Variants in FKBP5 observed in about 807,000 individuals in gnomAD.
FKBP5 encodes the protein FKBP prolyl isomerase 5, also known as peptidyl-prolyl cis-trans isomerase FKBP5.
A neutral mutation model predicts 50.5 loss-of-function variants in FKBP5; 23 were observed. That is an observed-to-expected ratio of 0.46 (90% CI 0.33 to 0.65). FKBP5 has a LOEUF of 0.65. Ranked by LOEUF, FKBP5 falls within the 30% of genes least tolerant of loss-of-function variation. The pLI is 0.02. For synonymous variants in FKBP5, 176 were observed against 190.6 expected (o/e 0.92, Z 0.63); for missense variants, 411 against 553.1 (o/e 0.74, Z 2.58).
chr6:35,669,513 C>T (rs934377074), intron 1 of FKBP5, among the ~76,000 whole-genome samples: 2 of 152,132 alleles, frequency 1.3e-5, no homozygotes, highest in African/African-American at 4.8e-5. Context: ...ATGTTTTCCA[C>T]AGTCTAAATA....
chr6:35,671,729 TC>T (rs1356648609), intron 1 of FKBP5, among the ~76,000 whole-genome samples: 1 of 152,132 alleles, frequency 6.6e-6, no homozygotes, highest in Admixed American at 6.5e-5. Flanking sequence ...CATATTTTTT[TC>T]AAACAGCAAT....
chr6:35,702,158 A>G (rs1295231611), intron 2 of FKBP5, among the ~76,000 whole-genome samples: 1 of 151,894 alleles, frequency 6.6e-6, no homozygotes, highest in Non-Finnish European at 1.5e-5. Context: ...GGAATGTTGT[A>G]TTTTTATCTG....
In FKBP5 at chr6:35,580,343, T is replaced by C. The variant is rs548760014; in HGVS notation, c.841-122A>G. ...GGTACAGCTGGTTTCTTTCTTTCCT[T>C]CTGGAGATGGCTCTCCAGGTACCTT... On this transcript the variant is annotated intron_variant, in intron 8 of 10. Coordinates refer to ENST00000357266, the MANE Select transcript of FKBP5 (RefSeq NM_004117.4). The C allele has an allele frequency of 1.1e-4, 86 of 786,908 alleles. No homozygotes were observed. In the South Asian group the frequency reaches 1.4e-3, roughly 13 times the overall value. 48.7% of individuals were successfully genotyped at this position (786,908 alleles called of 1,614,324 possible).
At chr6:35,599,145 A>G (rs1360932781) in intron 5 of FKBP5, among the ~76,000 whole-genome samples, 2 of 152,122 alleles carry the variant, frequency 1.3e-5, no homozygotes, top group Non-Finnish European at 2.9e-5. Flanking sequence ...AGAGACTAAA[A>G]ATCACTCGTT....
At chr6:35,622,666 T>A (rs1341753446) in intron 3 of FKBP5, among the ~76,000 whole-genome samples, 1 of 152,180 alleles carries the variant, frequency 6.6e-6, no homozygotes, top group African/African-American at 2.4e-5. Flanking sequence ...TTTAAAAAAA[T>A]TTAAAATACA....
At chr6:35,722,140 A>G (rs1316551584) in intron 1 of FKBP5, among the ~76,000 whole-genome samples, 2 of 151,640 alleles carry the variant, frequency 1.3e-5, no homozygotes, top group African/African-American at 4.9e-5. Flanking sequence ...TTCTTTGCAC[A>G]TATTGTGATC....
intron 5 of FKBP5, among the ~76,000 whole-genome samples, chr6:35,601,839 G>A (rs1489216637): frequency 6.6e-6 from 1 of 152,020 alleles, no homozygotes; most frequent in East Asian, 1.9e-4. Context: ...GGCTTTTTTG[G>A]TAGAGAAAGA....
intron 1 of FKBP5, among the ~76,000 whole-genome samples, chr6:35,648,317 T>C (rs1764687264): frequency 6.6e-6 from 1 of 152,206 alleles, no homozygotes; most frequent in African/African-American, 2.4e-5. Flanking sequence ...TTGCCCAGGC[T>C]GGAGTGCAGT....
chr6:35,675,487 T>C (rs569586899), intron 1 of FKBP5, among the ~76,000 whole-genome samples: 29 of 152,238 alleles, frequency 1.9e-4, no homozygotes, highest in African/African-American at 6.7e-4. Context: ...AGAGAATCGC[T>C]TGAACCTGGG....
chr6:35,710,592 T>C (rs986611928), intron 2 of FKBP5, among the ~76,000 whole-genome samples: 2 of 152,166 alleles, frequency 1.3e-5, no homozygotes, highest in Admixed American at 1.3e-4. Flanking sequence ...AGTTTAGCAG[T>C]TTTCTTTTGA....
At chr6:35,724,530 T>C (rs1766666365) in intron 1 of FKBP5, among the ~76,000 whole-genome samples, 1 of 152,072 alleles carries the variant, frequency 6.6e-6, no homozygotes, top group South Asian at 2.1e-4. Context: ...GCTTGAGAAA[T>C]GGAGAATTTG....
At position 35,642,706 on chromosome 6, in the gene FKBP5, C is replaced by G. The variant is rs1439365744; in HGVS notation, c.105+14G>C. On this transcript the variant is annotated intron_variant, in intron 2 of 10. Coordinates refer to ENST00000357266, the MANE Select transcript of FKBP5 (RefSeq NM_004117.4). ...GCAGGTTTCCTTGTATGTCACTCAG[C>G]TTTGTGGCCTCACCTTTAATACTCC... 1 of 1,603,056 alleles carries G rather than the reference C, an allele frequency of 6.2e-7. No homozygotes were observed. The highest frequency in any genetic ancestry group is 2.2e-5 in the East Asian group (1 of 44,756).
In FKBP5 at chr6:35,589,586, G is replaced by A. The variant is rs112272161; in HGVS notation, c.756+1544C>T. ...GGCTTGCTGTGGCACACCACTGGGAGAGTGCTCCTAAATAAGCAATGTCCA... is the reference window on the plus strand; with the variant it reads ...GGCTTGCTGTGGCACACCACTGGGAAAGTGCTCCTAAATAAGCAATGTCCA... On this transcript the variant is annotated intron_variant, in intron 7 of 10. Transcript: ENST00000357266. Among the ~76,000 whole-genome samples, 751 of 152,316 alleles carry A rather than the reference G, an allele frequency of 4.9e-3. 6 individuals are homozygous for A. Among genetic ancestry groups the A allele is most frequent in the Non-Finnish European group, 7.0e-3 (479 of 68,034 alleles).
intron 1 of FKBP5, among the ~76,000 whole-genome samples, chr6:35,726,359 C>G (rs1410445869): frequency 6.6e-6 from 1 of 152,212 alleles, no homozygotes; most frequent in Admixed American, 6.5e-5. Context: ...CCTCTATGCT[C>G]TGGTTGGCTT....
intron 1 of FKBP5, among the ~76,000 whole-genome samples, chr6:35,653,248 G>C (rs550626781): frequency 6.6e-6 from 1 of 152,298 alleles, no homozygotes; most frequent in East Asian, 1.9e-4. Context: ...CAGCTACTCA[G>C]GAAGGGGAGG....
intron 1 of FKBP5, among the ~76,000 whole-genome samples, chr6:35,682,849 G>C (rs1475707876): frequency 6.7e-6 from 1 of 150,300 alleles, no homozygotes; most frequent in African/African-American, 2.5e-5. Flanking sequence ...TTGTGTCGAG[G>C]CTGCAGTTAG....
At chr6:35,620,013 A>G in intron 4 of FKBP5, 119 bp downstream of exon 4, 1 of 1,240,300 alleles carries the variant, frequency 8.1e-7, no homozygotes, top group East Asian at 2.3e-5. Flanking sequence ...GCTCCAAAAT[A>G]AGTAAGTTGG....
At chr6:35,675,638 T>C (rs1263479066) in intron 1 of FKBP5, among the ~76,000 whole-genome samples, 3 of 152,144 alleles carry the variant, frequency 2.0e-5, no homozygotes, top group Non-Finnish European at 2.9e-5. Context: ...GAAGAAAGCA[T>C]CAATCCTAAC....
intron 2 of FKBP5, among the ~76,000 whole-genome samples, chr6:35,709,450 A>C (rs529904720): frequency 6.6e-6 from 1 of 152,346 alleles, no homozygotes; most frequent in East Asian, 1.9e-4. Flanking sequence ...AGATATAACT[A>C]TGTTCGCATA....
Sources: gnomAD v4.1 joint callset for allele counts (sites outside exome capture counted in the v4.1 genomes callset) on GRCh38, gnomAD v4.1.1 for gene constraint, MANE v1.5 for transcripts, NCBI Gene and HGNC (gene_info 2026-07-23, HGNC 2026-07-21) for gene names.